Variants in ABRAXAS1 observed in about 807,000 individuals in gnomAD.
ABRAXAS1 encodes BRCA1-A complex subunit Abraxas 1.
Under a neutral mutation model 38.4 loss-of-function variants are expected in ABRAXAS1, and 26 were observed. The observed-to-expected ratio is 0.68, with a 90% CI of 0.50 to 0.94. The LOEUF is 0.94. Ranked by LOEUF, ABRAXAS1 falls within the 40% of genes least tolerant of loss-of-function variation. ABRAXAS1 has a pLI of 0.00. For missense variants in ABRAXAS1, 438 were observed against 481.9 expected (o/e 0.91, Z 0.85); for synonymous variants, 144 against 165.5 (o/e 0.87, Z 1.00).
intron 6 of ABRAXAS1, 120 bp downstream of exon 6, chr4:83,468,912 T>C: frequency 1.7e-6 from 2 of 1,147,496 alleles, no homozygotes; most frequent in East Asian, 2.4e-5. Context: ...AAAAACAGCC[T>C]AGTTTACTTG....
rs1722040822 is a variant in ABRAXAS1, at chr4:83,460,353, C to T, written c.*2116G>A. The stretch of plus-strand genomic sequence containing the variant: ...TTGTATTTTTAGAGATTGGGTTTCT[C>T]CATGTTGGCCAGGCTGGTCTTGAAT... On this transcript the variant is annotated 3_prime_UTR_variant, in exon 9 of 9. Transcript: ENST00000321945. The T allele has an allele frequency of 6.6e-6, 1 of 152,008 alleles. No homozygotes were observed. The highest frequency in any genetic ancestry group is 1.5e-5 in the Non-Finnish European group (1 of 68,106). 9.4% of individuals were successfully genotyped at this position (152,008 alleles called of 1,614,324 possible). A position where few individuals can be genotyped will look rare whatever the true frequency, so the allele number is the denominator to read the frequency against.
At chr4:83,463,391 C>T (rs1722221595) in intron 8 of ABRAXAS1, 103 bp downstream of exon 8, 8 of 741,932 alleles carry the variant, frequency 1.1e-5, no homozygotes, top group East Asian at 2.9e-5. Context: ...TGAGATCACA[C>T]CTTTGCACTC....
chr4:83,480,036 T>C (rs1722931978), intron 2 of ABRAXAS1: 1 of 184,272 alleles, frequency 5.4e-6, no homozygotes, highest in South Asian at 8.8e-5. Flanking sequence ...TGGGAGATAT[T>C]AGGCACATAT....
At chr4:83,464,257 C>G (rs1257132799) in intron 7 of ABRAXAS1, among the ~76,000 whole-genome samples, 1 of 152,150 alleles carries the variant, frequency 6.6e-6, no homozygotes, top group African/African-American at 2.4e-5. Flanking sequence ...AAATTTAACA[C>G]TAAGAAACTC....
chr4:83,484,543 T>C (rs940071894), intron 1 of ABRAXAS1, among the ~76,000 whole-genome samples: 1 of 152,232 alleles, frequency 6.6e-6, no homozygotes, highest in African/African-American at 2.4e-5. Flanking sequence ...CATCCTACCA[T>C]CGCAACAAAC....
rs1158665632 is a variant in ABRAXAS1, at chr4:83,462,545, A to G, written c.1154T>C (p.Met385Thr). 6.2e-7 allele frequency: 1 copy of G among 1,614,132 alleles called. No homozygotes were observed. ...TTCTTCATCTGTTTCTGGGCTGCTC[A>G]TTTTGGATGCTTTATCTTGGTTACT... is the stretch of plus-strand genomic sequence containing the variant. ...GSSNQDKASKMSSPETDEEIE... is the reference protein window; with the variant it reads ...GSSNQDKASKTSSPETDEEIE... Residue 385 changes from methionine (M) to threonine (T), a missense_variant, in exon 9 of 9, where the codon ATG (methionine) becomes ACG (threonine). Physicochemically the swap from Met to Thr is moderately conservative, Grantham distance 81. This residue lies in a region of ABRAXAS1 where 184 missense variants were observed against 181.9 expected (regional missense o/e 1.01). Coordinates refer to ENST00000321945, the MANE Select transcript of ABRAXAS1 (RefSeq NM_139076.3).
chr4:83,471,806 G>A (rs1002522780), intron 4 of ABRAXAS1, among the ~76,000 whole-genome samples: 2 of 152,006 alleles, frequency 1.3e-5, no homozygotes, highest in African/African-American at 2.4e-5. Flanking sequence ...GGAGGTGCAC[G>A]ATGTAGTCAG....
intron 4 of ABRAXAS1, among the ~76,000 whole-genome samples, chr4:83,471,783 T>C (rs1421657414): frequency 2.0e-5 from 3 of 152,044 alleles, no homozygotes; most frequent in African/African-American, 7.2e-5. Flanking sequence ...GGCAGGAGAA[T>C]CGCTTGAACC....
In ABRAXAS1 at chr4:83,461,663, A is replaced by G. The variant is rs1239959015; in HGVS notation, c.*806T>C. 1 of 260,922 alleles carries G rather than the reference A, an allele frequency of 3.8e-6. No homozygotes were observed. The highest frequency in any genetic ancestry group is 2.2e-5 in the African/African-American group (1 of 46,360). The allele number at this position is 260,922 out of a possible 1,614,324, so 16.2% of individuals were successfully genotyped here. A position where few individuals can be genotyped will look rare whatever the true frequency, so the allele number is the denominator to read the frequency against. ...AAGAGATGATTTACACCTAATAGAC[A>G]TTGAATATGATAGACATACATGTAT... On this transcript the variant is annotated 3_prime_UTR_variant, in exon 9 of 9. Transcript: ENST00000321945.
In ABRAXAS1 at chr4:83,462,515, T is replaced by G; in HGVS notation, c.1184A>C (p.Glu395Ala). 6.2e-7 allele frequency: 1 copy of G among 1,614,024 alleles called. No homozygotes were observed. Among genetic ancestry groups the G allele is most frequent in the Non-Finnish European group, 8.5e-7 (1 of 1,180,002 alleles). Residue 395 changes from glutamate to alanine, a missense_variant, in exon 9 of 9, where the codon GAA becomes GCA. Glu to Ala is a moderately radical substitution (Grantham distance 107). Coordinates refer to ENST00000321945, the MANE Select transcript of ABRAXAS1 (RefSeq NM_139076.3). ...MSSPETDEEI[E>A]KMKGFGEYSR... ...ATATTCACCAAAACCCTTCATCTTT[T>G]CAATTTCTTCATCTGTTTCTGGGCT...
intron 1 of ABRAXAS1, 106 bp from the exon 2 acceptor site, chr4:83,482,350 A>C: frequency 1.7e-6 from 1 of 576,814 alleles, no homozygotes; most frequent in South Asian, 2.5e-5. Context: ...ATGTGCTACC[A>C]GTCGGGGGCA....
At chr4:83,477,902 G>A in intron 2 of ABRAXAS1, 3 of 750,758 alleles carry the variant, frequency 4.0e-6, no homozygotes, top group East Asian at 3.0e-5. Flanking sequence ...GGTAGTGTCA[G>A]GGGTGATATT....
chr4:83,481,823 C>T (rs1723008506), intron 2 of ABRAXAS1, among the ~76,000 whole-genome samples: 1 of 152,128 alleles, frequency 6.6e-6, no homozygotes, highest in Non-Finnish European at 1.5e-5. Context: ...AGTCTCGGCT[C>T]ACTGCAACTT....
chr4:83,472,345 TTAG>T, intron 3 of ABRAXAS1, 57 bp from the exon 4 acceptor site: 1 of 1,082,630 alleles, frequency 9.2e-7, no homozygotes, highest in Non-Finnish European at 1.3e-6. Context: ...AGTAATTTTA[TTAG>T]TATTTTAAAT....
In ABRAXAS1 at chr4:83,463,476, G is replaced by T. The variant is rs771903826; in HGVS notation, c.796+18C>A. On this transcript the variant is annotated intron_variant, in intron 8 of 8. Transcript: ENST00000321945. Reference sequence around the variant, plus strand: ...AAAAATTTTTAGCACAGAAAGTAGAGATGTGTTGTTTACTTACTTGCTGCC... The same window carrying T: ...AAAAATTTTTAGCACAGAAAGTAGATATGTGTTGTTTACTTACTTGCTGCC... The T allele has an allele frequency of 6.7e-7, 1 of 1,484,906 alleles. No individual in the cohort carries two copies. Among genetic ancestry groups the T allele is most frequent in the Non-Finnish European group, 9.3e-7 (1 of 1,079,628 alleles). 92.0% of individuals were successfully genotyped at this position (1,484,906 alleles called of 1,614,324 possible).
chr4:83,468,945 G>C, intron 6 of ABRAXAS1, 87 bp downstream of exon 6: 6 of 1,489,928 alleles, frequency 4.0e-6, no homozygotes, highest in Non-Finnish European at 5.5e-6. Context: ...ATTTTCCCTT[G>C]AATTTTTATT....
At chr4:83,474,545 C>T (rs576834022) in intron 3 of ABRAXAS1, among the ~76,000 whole-genome samples, 61 of 152,112 alleles carry the variant, frequency 4.0e-4, no homozygotes, top group African/African-American at 1.5e-3. Context: ...AACTTCATCT[C>T]TACTAAAAAT....
chr4:83,463,891 A>G (rs1196612730), intron 7 of ABRAXAS1: 2 of 187,870 alleles, frequency 1.1e-5, no homozygotes, highest in Non-Finnish European at 2.2e-5. Context: ...ATAAACTGAA[A>G]TATTAACTCA....
At chr4:83,466,053 G>A (rs1722341277) in intron 7 of ABRAXAS1, among the ~76,000 whole-genome samples, 2 of 152,080 alleles carry the variant, frequency 1.3e-5, no homozygotes, top group African/African-American at 4.8e-5. Context: ...CAATGACTAA[G>A]CACACTGCAG....
Sources: gnomAD v4.1 joint callset for allele counts (sites outside exome capture counted in the v4.1 genomes callset) on GRCh38, gnomAD v4.1.1 for gene constraint, gnomAD v4.1.1 regional missense constraint, MANE v1.5 for transcripts, NCBI Gene and HGNC (gene_info 2026-07-23, HGNC 2026-07-21) for gene names.